Variants in AK8 observed in about 807,000 individuals in gnomAD.
AK8 encodes the protein ATP-AMP transphosphorylase 8.
In AK8, 44 loss-of-function variants were observed where a neutral mutation model predicts 54.6. The observed-to-expected ratio is 0.81, with a 90% CI of 0.63 to 1.04. AK8 has a LOEUF of 1.04. AK8 is among the 50% of genes least tolerant of loss of function. The probability of loss-of-function intolerance (pLI) is 0.00; values close to 1 mark genes in which losing one functional copy is unlikely to be tolerated. For synonymous variants in AK8, 239 were observed against 245.6 expected, an observed-to-expected ratio of 0.97 and a Z score of 0.25; for missense variants, 555 against 613.6, an observed-to-expected ratio of 0.90 and a Z score of 1.01.
At chr9:132,735,109 C>T (rs1837035224) in intron 11 of AK8, among the ~76,000 whole-genome samples, 2 of 152,168 alleles carry the variant, frequency 1.3e-5, no homozygotes, top group Non-Finnish European at 2.9e-5. Flanking sequence ...CTGATTCAAT[C>T]TACTTAGTCT....
At position 132,803,150 on chromosome 9, in the gene AK8, C is replaced by T. The variant is rs974116933; in HGVS notation, c.980-10375G>A. 6.6e-6 allele frequency among the ~76,000 whole-genome samples: 1 copy of T among 152,114 alleles called. No individual in the cohort carries two copies. The highest frequency in any genetic ancestry group is 6.5e-5 in the Admixed American group (1 of 15,276). On this transcript the variant is annotated intron_variant, in intron 10 of 12. Coordinates refer to ENST00000298545, the MANE Select transcript of AK8 (RefSeq NM_152572.3). The surrounding 1 kb of genome is among the most constrained non-coding windows in gnomAD (Gnocchi z 4.4). ...CAGATCTTGTGAGAACTCACTATCA[C>T]GAGAACAGCATGGAGGTAACCACCC...
chr9:132,877,820 G>A (rs2131465186), intron 1 of AK8: 1 of 539,522 alleles, frequency 1.9e-6, no homozygotes, highest in South Asian at 1.5e-5. Flanking sequence ...AGAGCCCCTG[G>A]GAGACCACCT....
At chr9:132,794,136 C>A (rs78756483) in intron 10 of AK8, among the ~76,000 whole-genome samples, 2,117 of 152,332 alleles carry the variant, frequency 0.014, 27 homozygotes, top group East Asian at 0.054. Flanking sequence ...TGTGTTCTCT[C>A]TCATGCCCTT....
At chr9:132,798,289 G>T (rs1187961576) in intron 10 of AK8, among the ~76,000 whole-genome samples, 1 of 152,212 alleles carries the variant, frequency 6.6e-6, no homozygotes, top group African/African-American at 2.4e-5. Context: ...CTGAGGCTCG[G>T]TGTCTGTTTT....
intron 9 of AK8, among the ~76,000 whole-genome samples, chr9:132,820,212 TAA>T (rs36016329): frequency 1.0e-4 from 14 of 136,382 alleles, no homozygotes; most frequent in Admixed American, 3.0e-4. Context: ...ATGCTCACTG[TAA>T]AAAAAAAAAA....
Position 132,823,737 on chromosome 9 carries a change from C to T in AK8, c.758-401G>A, listed in dbSNP as rs561142328. Among the ~76,000 whole-genome samples the T allele has an allele frequency of 3.3e-5, 5 of 152,362 alleles. No homozygotes were observed. In the South Asian group the frequency reaches 1.0e-3, roughly 32 times the overall value. ...TACTGAATCGGGCTGAGCCTCCCAA[C>T]CGGAAGCCCCGGAACTAGGCTGGTC... On this transcript the variant is annotated intron_variant, in intron 8 of 12. Transcript: ENST00000298545.
At chr9:132,829,069 G>C (rs1842002571) in intron 5 of AK8, among the ~76,000 whole-genome samples, 1 of 151,476 alleles carries the variant, frequency 6.6e-6, no homozygotes, top group Non-Finnish European at 1.5e-5. Flanking sequence ...CAATTCTCCT[G>C]CCTCAGCCTC....
chr9:132,777,368 C>A (rs549854984), intron 11 of AK8, among the ~76,000 whole-genome samples: 96 of 152,212 alleles, frequency 6.3e-4, no homozygotes, highest in African/African-American at 2.1e-3. Flanking sequence ...GATTTTTAGT[C>A]AAGGAAACGG....
At chr9:132,812,893 A>ATTG (rs1174334830) in intron 10 of AK8, among the ~76,000 whole-genome samples, 7 of 133,064 alleles carry the variant, frequency 5.3e-5, no homozygotes, top group African/African-American at 2.0e-4. Context: ...TACACAGATC[A>ATTG]CCTCATTCTG....
chr9:132,877,613 A>G (rs1276069406), intron 1 of AK8: 3 of 308,116 alleles, frequency 9.7e-6, no homozygotes, highest in African/African-American at 2.2e-5. Context: ...TCAGGCCTGG[A>G]GCCAGAATGA....
chr9:132,797,023 G>A (rs565386553), intron 10 of AK8, among the ~76,000 whole-genome samples: 7 of 152,236 alleles, frequency 4.6e-5, no homozygotes, highest in Non-Finnish European at 8.8e-5. Context: ...GAGGAAGAAA[G>A]GGAATGCTCA....
chr9:132,863,770 C>G lies in AK8; in HGVS notation c.228G>C (p.Trp76Cys), dbSNP rs1160380859. ...PASGKTTIAM[W>C]LCKHLNSSLL... ...GACTGCTGTTCAGATGTTTGCAGAG[C>G]CACATTGCCTGAAGAAAGGAAAGAA... The change falls in exon 4 of 13, where the codon TGG becomes TGC. Residue 76 changes from tryptophan (W) to cysteine (C), a missense_variant. By Grantham distance (215) the Trp-to-Cys change is radical. Coordinates refer to ENST00000298545, the MANE Select transcript of AK8 (RefSeq NM_152572.3). 3.1e-6 allele frequency: 5 copies of G among 1,611,104 alleles called. No individual in the cohort carries two copies. In the African/African-American group the frequency reaches 6.7e-5, roughly 22 times the overall value.
intron 11 of AK8, among the ~76,000 whole-genome samples, chr9:132,759,138 A>G (rs985098111): frequency 6.6e-6 from 1 of 150,616 alleles, no homozygotes; most frequent in South Asian, 2.1e-4. Flanking sequence ...CGAGGCTGCA[A>G]TGAGCTGTGA....
At chr9:132,849,462 C>T (rs905307584) in intron 5 of AK8, among the ~76,000 whole-genome samples, 1 of 152,158 alleles carries the variant, frequency 6.6e-6, no homozygotes, top group Non-Finnish European at 1.5e-5. Flanking sequence ...AAAGCCTCAA[C>T]GAGTGTCTCT....
chr9:132,731,326 T>C (rs1481199739), intron 11 of AK8, among the ~76,000 whole-genome samples: 1 of 152,134 alleles, frequency 6.6e-6, no homozygotes, highest in Non-Finnish European at 1.5e-5. Flanking sequence ...TAATTTTATG[T>C]GTCACCTTGA....
chr9:132,737,033 A>G (rs1022367853), intron 11 of AK8, among the ~76,000 whole-genome samples: 2 of 152,114 alleles, frequency 1.3e-5, no homozygotes, highest in Admixed American at 6.6e-5. Flanking sequence ...GGGATGACAA[A>G]AAAGTTCTGG....
chr9:132,823,160 GGA>G, intron 9 of AK8, 43 bp downstream of exon 9: 6 of 1,506,236 alleles, frequency 4.0e-6, no homozygotes, highest in Non-Finnish European at 5.3e-6. Flanking sequence ...CAGGAGGCAG[GGA>G]AAGGCTCTCG....
At chr9:132,873,617 T>C (rs771428301) in intron 2 of AK8, among the ~76,000 whole-genome samples, 8 of 152,238 alleles carry the variant, frequency 5.3e-5, no homozygotes, top group Non-Finnish European at 1.0e-4. Context: ...TTGCGGTCCA[T>C]TCTTTCTCTG....
At chr9:132,853,306 C>T (rs1372870799) in intron 5 of AK8, among the ~76,000 whole-genome samples, 13 of 141,240 alleles carry the variant, frequency 9.2e-5, no homozygotes, top group African/African-American at 3.5e-4. Context: ...TGCAGTGAGC[C>T]GAGATTATGC....
Sources: gnomAD v4.1 joint callset for allele counts (sites outside exome capture counted in the v4.1 genomes callset) on GRCh38, gnomAD v4.1.1 for gene constraint, Gnocchi (gnomAD v3.1) non-coding constraint, MANE v1.5 for transcripts, NCBI Gene and HGNC (gene_info 2026-07-23, HGNC 2026-07-21) for gene names.